Variants in ACTR2 observed in about 807,000 individuals in gnomAD.
ACTR2 encodes actin related protein 2.
ACTR2 carries 5 observed loss-of-function variants against 50.2 expected under a neutral mutation model. The observed-to-expected ratio is 0.10, with a 90% confidence interval of 0.05 to 0.21. The LOEUF (loss-of-function observed/expected upper bound fraction) is 0.21, where lower values mean the gene tolerates loss of function less well. Among genes scored for constraint, ACTR2 ranks in the 10% least tolerant of loss-of-function variants. The pLI, the probability that ACTR2 is intolerant of heterozygous loss-of-function variation, is 1.00. For missense variants in ACTR2, 180 were observed against 480.6 expected (o/e 0.37, Z 5.85); for synonymous variants, 140 against 162.9 (o/e 0.86, Z 1.07).
intron 7 of ACTR2, among the ~76,000 whole-genome samples, chr2:65,264,045 ACT>A (rs1672327611): frequency 1.3e-5 from 2 of 152,082 alleles, no homozygotes; most frequent in Admixed American, 1.3e-4. Flanking sequence ...ACAGAGTGAG[ACT>A]CTGTATTAAA....
intron 8 of ACTR2, among the ~76,000 whole-genome samples, chr2:65,266,884 T>A (rs1421921957): frequency 6.6e-6 from 1 of 152,132 alleles, no homozygotes; most frequent in Non-Finnish European, 1.5e-5. Flanking sequence ...TGACAGCAGG[T>A]GCAATTTGTC....
intron 1 of ACTR2, among the ~76,000 whole-genome samples, chr2:65,234,241 T>C (rs1030937526): frequency 6.6e-6 from 1 of 152,194 alleles, no homozygotes; most frequent in Admixed American, 6.5e-5. Flanking sequence ...ATTATAACTG[T>C]TAATGTTTTC....
intron 8 of ACTR2, 124 bp from the exon 9 acceptor site, chr2:65,268,440 C>T: frequency 5.6e-6 from 4 of 709,628 alleles, no homozygotes; most frequent in East Asian, 6.4e-5. Context: ...CCAAATATTA[C>T]GTTCTACTTA....
chr2:65,264,519 G>A (rs1381814038), intron 7 of ACTR2, among the ~76,000 whole-genome samples: 1 of 152,138 alleles, frequency 6.6e-6, no homozygotes, highest in African/African-American at 2.4e-5. Flanking sequence ...GGGTACTGCT[G>A]TCAGTAGATA....
chr2:65,250,064 G>T (rs572361250), intron 3 of ACTR2, among the ~76,000 whole-genome samples: 1 of 152,026 alleles, frequency 6.6e-6, no homozygotes, highest in African/African-American at 2.4e-5. Context: ...TTTTGTCTTC[G>T]AATTAAAAGA....
At chr2:65,260,600 C>T (rs1172071264) in intron 6 of ACTR2, among the ~76,000 whole-genome samples, 1 of 152,174 alleles carries the variant, frequency 6.6e-6, no homozygotes, top group Non-Finnish European at 1.5e-5. Context: ...ACTGTAGTAA[C>T]ACATACCAGC....
chr2:65,231,004 A>G (rs189979264), intron 1 of ACTR2, among the ~76,000 whole-genome samples: 1 of 151,454 alleles, frequency 6.6e-6, no homozygotes, highest in Admixed American at 6.6e-5. Context: ...CAGTGAGCCA[A>G]GATCACGCCA....
chr2:65,231,571 A>T (rs1333162091), intron 1 of ACTR2, among the ~76,000 whole-genome samples: 2 of 152,120 alleles, frequency 1.3e-5, no homozygotes, highest in Admixed American at 1.3e-4. Flanking sequence ...GTGGTTCCTC[A>T]TGCCTGTATT....
chr2:65,243,104 C>G (rs555429630), intron 2 of ACTR2, among the ~76,000 whole-genome samples: 1 of 152,118 alleles, frequency 6.6e-6, no homozygotes, highest in South Asian at 2.1e-4. Context: ...CATGGTGAAG[C>G]CCCATCTCTA....
rs975051281 is a variant in ACTR2, at chr2:65,270,523, G to A, written c.*1789G>A. The A allele has an allele frequency of 2.0e-5, 3 of 152,572 alleles. No individual in the cohort carries two copies. Among genetic ancestry groups the A allele is most frequent in the Non-Finnish European group, 4.4e-5 (3 of 68,042 alleles). The allele number at this position is 152,572 out of a possible 1,614,324, so 9.5% of individuals were successfully genotyped here. ...TATATAAATACCCCCAGCCTTTTGA[G>A]AACGGGGCTTGTTAAAGGACGCGTA... On this transcript the variant is annotated 3_prime_UTR_variant, in exon 9 of 9. Coordinates refer to ENST00000260641, the MANE Select transcript of ACTR2 (RefSeq NM_005722.4).
chr2:65,234,997 A>G lies in ACTR2; in HGVS notation c.49-4855A>G, dbSNP rs547778902. Among the ~76,000 whole-genome samples, 4 of 152,274 alleles carry G rather than the reference A, an allele frequency of 2.6e-5. No individual in the cohort carries two copies. In the South Asian group the frequency reaches 8.3e-4, roughly 32 times the overall value. ...TTCCCATATTTGAGATATTTGTGTA[A>G]ATTATGACTGACATTAGGCTGGCGA... On this transcript the variant is annotated intron_variant, in intron 1 of 8. Transcript: ENST00000260641.
intron 8 of ACTR2, among the ~76,000 whole-genome samples, chr2:65,265,824 A>G (rs1672360353): frequency 6.6e-6 from 1 of 152,250 alleles, no homozygotes; most frequent in Non-Finnish European, 1.5e-5. Flanking sequence ...ACCAAGAGTT[A>G]TCTAATCCTG....
At chr2:65,237,008 A>G (rs1235198211) in intron 1 of ACTR2, among the ~76,000 whole-genome samples, 1 of 152,196 alleles carries the variant, frequency 6.6e-6, no homozygotes, top group East Asian at 1.9e-4. Context: ...TAAAACAATC[A>G]TGGTATCATA....
rs763488756 is a variant in ACTR2, at chr2:65,255,710, G to A, written c.735+16G>A. 3 of 1,606,482 alleles carry A rather than the reference G, an allele frequency of 1.9e-6. No homozygotes were observed. ...ATCTTATACAGTAAGTGTTTCCAGT[G>A]TATAATATATATGTGTTTTAAAGTG... On this transcript the variant is annotated intron_variant, in intron 6 of 8. Transcript: ENST00000260641.
chr2:65,239,984 A>C (rs1671810833), intron 2 of ACTR2, 22 bp downstream of exon 2: 1 of 1,443,236 alleles, frequency 6.9e-7, no homozygotes, highest in African/African-American at 1.4e-5. Context: ...TTTATTGATA[A>C]ATGATAATCA....
At chr2:65,245,783 A>G (rs558905184) in intron 2 of ACTR2, among the ~76,000 whole-genome samples, 1 of 152,314 alleles carries the variant, frequency 6.6e-6, no homozygotes, top group Admixed American at 6.5e-5. Context: ...ATTGGAGACA[A>G]GACTTGTGAG....
intron 7 of ACTR2, among the ~76,000 whole-genome samples, chr2:65,263,816 AATCACGAGGCCG>A (rs1672322510): frequency 4.1e-5 from 3 of 72,344 alleles, no homozygotes; most frequent in African/African-American, 9.9e-5. Flanking sequence ...GAGGCCGGTG[AATCACGAGGCCG>A]GCGAATCACG....
rs559207810 is a variant in ACTR2, at chr2:65,238,024, C to T, written c.49-1828C>T. 3.6e-4 allele frequency among the ~76,000 whole-genome samples: 54 copies of T among 151,500 alleles called. 1 individual carries two copies. The South Asian group carries it at 0.01, about 29-fold the overall frequency. On this transcript the variant is annotated intron_variant, in intron 1 of 8. Transcript: ENST00000260641. ...ATAATAATGAAAATAAAAACTTATT[C>T]GGGCCTGGTGGCACATACCTGTAGT...
intron 7 of ACTR2, among the ~76,000 whole-genome samples, chr2:65,264,009 C>T (rs1280071401): frequency 2.6e-5 from 4 of 152,022 alleles, no homozygotes; most frequent in Admixed American, 2.0e-4. Flanking sequence ...GAGCCGAGAT[C>T]GCACCACTGC....
Sources: allele counts gnomAD v4.1 joint callset (sites outside exome capture counted in the v4.1 genomes callset), GRCh38; gene constraint gnomAD v4.1.1; transcripts MANE v1.5; gene names NCBI Gene and HGNC (gene_info 2026-07-23, HGNC 2026-07-21).